TANK: variants seen among roughly 807,000 people sequenced by gnomAD.
TANK encodes TRAF family member associated NFKB activator, also known as TRAF family member-associated NF-kappa-B activator.
In TANK, 15 loss-of-function variants were observed where a neutral mutation model predicts 43.6. The ratio of observed to expected loss-of-function variants is 0.34; its 90% confidence interval spans 0.23 to 0.53. The LOEUF is 0.53. Ranked by LOEUF, TANK falls within the 20% of genes least tolerant of loss-of-function variation. The pLI is 0.94. For synonymous variants in TANK, 162 were observed against 178.2 expected, an observed-to-expected ratio of 0.91 and a Z score of 0.73; for missense variants, 417 against 498.6, an observed-to-expected ratio of 0.84 and a Z score of 1.56.
chr2:161,140,494 G>A (rs1443024819), intron 1 of TANK, among the ~76,000 whole-genome samples: 1 of 149,488 alleles, frequency 6.7e-6, no homozygotes, highest in East Asian at 1.9e-4. Context: ...TTTTCTGATT[G>A]GATGTCACAG....
chr2:161,218,515 A>G (rs1301171516), intron 4 of TANK, among the ~76,000 whole-genome samples: 1 of 152,160 alleles, frequency 6.6e-6, no homozygotes, highest in Admixed American at 6.5e-5. Flanking sequence ...AAAAATCATA[A>G]TTAAATACGT....
intron 1 of TANK, among the ~76,000 whole-genome samples, chr2:161,173,258 A>G (rs553741140): frequency 2.6e-5 from 4 of 152,248 alleles, no homozygotes; most frequent in African/African-American, 7.2e-5. Flanking sequence ...TCACCTCGCT[A>G]TCATCTCTGC....
chr2:161,180,534 A>G (rs759021008), intron 2 of TANK, among the ~76,000 whole-genome samples: 1 of 152,152 alleles, frequency 6.6e-6, no homozygotes, highest in Non-Finnish European at 1.5e-5. Flanking sequence ...GTTATGTTCC[A>G]TGTTTCCATA....
At chr2:161,208,040 C>T (rs550782864) in intron 4 of TANK, 152 of 760,266 alleles carry the variant, frequency 2.0e-4, no homozygotes, top group African/African-American at 1.3e-3. Context: ...GAAGCCACTA[C>T]GAGCCACCCA....
intron 1 of TANK, among the ~76,000 whole-genome samples, chr2:161,179,314 A>T (rs926074135): frequency 2.6e-5 from 4 of 152,182 alleles, no homozygotes; most frequent in Admixed American, 1.3e-4. Context: ...TAAAGAATTT[A>T]AAATGGCCTT....
At chr2:161,199,330 G>A (rs531669795) in intron 2 of TANK, among the ~76,000 whole-genome samples, 3 of 151,058 alleles carry the variant, frequency 2.0e-5, no homozygotes, top group East Asian at 1.9e-4. Context: ...TGAGAATATT[G>A]CAATTAATTA....
chr2:161,146,108 T>A (rs1329584068), intron 1 of TANK, among the ~76,000 whole-genome samples: 1 of 152,210 alleles, frequency 6.6e-6, no homozygotes, highest in Non-Finnish European at 1.5e-5. Context: ...TTCTGCTTGG[T>A]CAATTCGGCT....
At chr2:161,169,165 C>A (rs1442393182) in intron 1 of TANK, among the ~76,000 whole-genome samples, 1 of 152,090 alleles carries the variant, frequency 6.6e-6, no homozygotes, top group East Asian at 1.9e-4. Flanking sequence ...AAGAAGGTCC[C>A]AAGATGAAGG....
chr2:161,179,165 A>G (rs1318119627), intron 1 of TANK, among the ~76,000 whole-genome samples: 1 of 152,144 alleles, frequency 6.6e-6, no homozygotes, highest in Non-Finnish European at 1.5e-5. Flanking sequence ...TGCGAACTCC[A>G]TCCACAAACA....
In TANK at chr2:161,203,558, G is replaced by T. The variant is rs773368635; in HGVS notation, c.171G>T (p.Lys57Asn). Residue 57 changes from lysine to asparagine, a missense_variant, in exon 3 of 8, where the codon AAG (lysine) becomes AAT (asparagine). Lys to Asn is a moderately conservative substitution (Grantham distance 94, BLOSUM62 0). Transcript: ENST00000392749. ...CACTTCAACAGACTATTATTGACAA[G>T]CTAAAATCTCAGTTACTTCTTGTGA... ...QLSLQQTIIDKLKSQLLLVNS... is the reference protein window; with the variant it reads ...QLSLQQTIIDNLKSQLLLVNS... The T allele has an allele frequency of 5.6e-6, 9 of 1,611,586 alleles. No individual in the cohort carries two copies. Among genetic ancestry groups the T allele is most frequent in the Non-Finnish European group, 7.6e-6 (9 of 1,179,128 alleles).
At chr2:161,230,142 G>C (rs914328917) in intron 6 of TANK, among the ~76,000 whole-genome samples, 1 of 152,104 alleles carries the variant, frequency 6.6e-6, no homozygotes, top group Non-Finnish European at 1.5e-5. Context: ...CACCAAGTTT[G>C]TTAGAATAAA....
intron 4 of TANK, among the ~76,000 whole-genome samples, chr2:161,214,807 C>T (rs1415128500): frequency 6.6e-6 from 1 of 152,072 alleles, no homozygotes; most frequent in Non-Finnish European, 1.5e-5. Flanking sequence ...AGAAAAAGGA[C>T]TTTATTATTT....
At chr2:161,165,667 T>A (rs1004889479) in intron 1 of TANK, among the ~76,000 whole-genome samples, 1 of 152,228 alleles carries the variant, frequency 6.6e-6, no homozygotes, top group African/African-American at 2.4e-5. Flanking sequence ...GACTTTCTCT[T>A]CTAGTTCCCT....
At chr2:161,210,696 T>TA (rs779556160) in intron 4 of TANK, among the ~76,000 whole-genome samples, 1,436 of 90,942 alleles carry the variant, frequency 0.016, 21 homozygotes, top group African/African-American at 0.033. Flanking sequence ...AAACTCCGTC[T>TA]AAAAAAAAAA....
intron 1 of TANK, among the ~76,000 whole-genome samples, chr2:161,137,547 T>C (rs1006643270): frequency 6.6e-6 from 1 of 152,218 alleles, no homozygotes; most frequent in Non-Finnish European, 1.5e-5. Context: ...GTTGACATTA[T>C]GCTGAAAGAT....
At chr2:161,160,061 T>C (rs551858494), upstream of TANK, 1 of 198,526 alleles carries the variant, frequency 5.0e-6, no homozygotes, top group East Asian at 1.0e-4. Context: ...ACATTTTGTT[T>C]CTCAGGTGAT....
chr2:161,232,760 C>A, intron 7 of TANK: 1 of 1,550,176 alleles, frequency 6.5e-7, no homozygotes, highest in Admixed American at 2.0e-5. Context: ...CAGTAGATGG[C>A]ACCCTGCATT....
chr2:161,186,152 G>A (rs1461646822), intron 2 of TANK, among the ~76,000 whole-genome samples: 1 of 152,222 alleles, frequency 6.6e-6, no homozygotes, highest in East Asian at 1.9e-4. Flanking sequence ...TCACACAACT[G>A]CACTCCACCC....
Position 161,188,404 on chromosome 2 carries a change from A to G in TANK, c.99+8643A>G, listed in dbSNP as rs192459506. Among the ~76,000 whole-genome samples the G allele has an allele frequency of 1.8e-3, 277 of 152,290 alleles. 1 individual carries two copies. Among genetic ancestry groups the G allele is most frequent in the African/African-American group, 6.4e-3 (264 of 41,564 alleles). On this transcript the variant is annotated intron_variant, in intron 2 of 7. Coordinates refer to ENST00000392749, the MANE Select transcript of TANK (RefSeq NM_001199135.3). The stretch of plus-strand genomic sequence containing the variant: ...ATATCATAAAAGAGTGCTATGAACA[A>G]TTGTATGCCAACAGATTGGATAAGC...
Sources: allele counts gnomAD v4.1 joint callset (sites outside exome capture counted in the v4.1 genomes callset), GRCh38; gene constraint gnomAD v4.1.1; transcripts MANE v1.5; gene names NCBI Gene and HGNC (gene_info 2026-07-23, HGNC 2026-07-21).